Variants in LRP1B observed in about 807,000 individuals in gnomAD.
LRP1B encodes the protein LDL receptor related protein 1B.
LRP1B carries 217 observed loss-of-function variants against 556.6 expected under a neutral mutation model. The observed-to-expected ratio is 0.39, with a 90% CI of 0.35 to 0.44. LRP1B has a LOEUF of 0.44. Ranked by LOEUF, LRP1B falls within the 20% of genes least tolerant of loss-of-function variation. The pLI is 1.00. For missense variants in LRP1B, 5,053 were observed against 5,620.8 expected (o/e 0.90, Z 3.23); for synonymous variants, 2,047 against 1,865.8 (o/e 1.10, Z -2.50).
rs948352085 is a variant in LRP1B, at chr2:141,570,659, G to A, written c.206-90126C>T. On this transcript the variant is annotated intron_variant, in intron 2 of 90. Transcript: ENST00000389484. ...AACTGCCTAACAAGCTAAGCTCCCC[G>A]GTTGGGGGAAGGGCGGCATCCATCT... Among the ~76,000 whole-genome samples the A allele has an allele frequency of 2.6e-5, 4 of 151,200 alleles. 1 individual carries two copies. The highest frequency in any genetic ancestry group is 4.4e-5 in the Non-Finnish European group (3 of 67,428).
intron 1 of LRP1B, among the ~76,000 whole-genome samples, chr2:141,861,975 T>C (rs1377016106): frequency 6.6e-6 from 1 of 152,064 alleles, no homozygotes; most frequent in Non-Finnish European, 1.5e-5. Context: ...ACCCCTTATG[T>C]TGACCTGAAT....
chr2:140,691,449 T>G (rs1686238312), intron 41 of LRP1B, among the ~76,000 whole-genome samples: 2 of 146,376 alleles, frequency 1.4e-5, no homozygotes, highest in South Asian at 4.3e-4. Context: ...CAGGCTGGAT[T>G]GCAATCCAGC....
intron 43 of LRP1B, among the ~76,000 whole-genome samples, chr2:140,551,311 T>C (rs16844236): frequency 0.047 from 7,203 of 152,150 alleles, 482 homozygotes; most frequent in African/African-American, 0.15. Context: ...TCTAAGATTG[T>C]CCTGGGAAAG....
chr2:141,965,851 G>T, intron 1 of LRP1B, among the ~76,000 whole-genome samples: 1 of 148,194 alleles, frequency 6.7e-6, no homozygotes, highest in Non-Finnish European at 1.5e-5. Flanking sequence ...CAAAGCCTTG[G>T]CCAACTCTCA....
chr2:140,782,458 C>T (rs1689733131), intron 32 of LRP1B, among the ~76,000 whole-genome samples: 1 of 152,008 alleles, frequency 6.6e-6, no homozygotes, highest in Non-Finnish European at 1.5e-5. Context: ...GGGAGAAGAC[C>T]GTCATCTACA....
intron 3 of LRP1B, among the ~76,000 whole-genome samples, chr2:141,285,334 G>A (rs974451470): frequency 6.6e-6 from 1 of 151,106 alleles, no homozygotes; most frequent in African/African-American, 2.4e-5. Flanking sequence ...TTTTCCACCC[G>A]CCTCGGCCTC....
At chr2:140,364,904 T>TGCTTGAAATAA in intron 71 of LRP1B, 121 bp from the exon 72 acceptor site, 1 of 731,344 alleles carries the variant, frequency 1.4e-6, no homozygotes, top group Non-Finnish European at 2.2e-6. Context: ...ATATGTATTA[T>TGCTTGAAATAA]ATTTATTTCA....
At chr2:141,826,026 A>G (rs1418290355) in intron 1 of LRP1B, among the ~76,000 whole-genome samples, 1 of 152,100 alleles carries the variant, frequency 6.6e-6, no homozygotes, top group East Asian at 1.9e-4. Flanking sequence ...TTATGATCAA[A>G]TTTTGTGGGT....
chr2:141,549,376 T>C (rs1465873818), intron 2 of LRP1B, among the ~76,000 whole-genome samples: 2 of 152,122 alleles, frequency 1.3e-5, no homozygotes, highest in African/African-American at 4.8e-5. Flanking sequence ...TATAGGGGAA[T>C]AGAGTGTAAT....
At chr2:141,388,561 T>C (rs932418287) in intron 3 of LRP1B, among the ~76,000 whole-genome samples, 3 of 152,110 alleles carry the variant, frequency 2.0e-5, no homozygotes, top group Admixed American at 6.5e-5. Context: ...ACTAACTCAA[T>C]GGTGGAAGTT....
chr2:141,553,690 AAT>A (rs1274618627), intron 2 of LRP1B, among the ~76,000 whole-genome samples: 1 of 140,994 alleles, frequency 7.1e-6, no homozygotes, highest in African/African-American at 2.6e-5. Context: ...TATCATATAG[AAT>A]ATATATTATA....
At chr2:140,879,032 G>T (rs1029131374) in intron 25 of LRP1B, among the ~76,000 whole-genome samples, 2 of 151,220 alleles carry the variant, frequency 1.3e-5, no homozygotes, top group Admixed American at 6.6e-5. Context: ...AATAATCCCT[G>T]AAAACAAACT....
chr2:141,974,379 A>C (rs1701825300), intron 1 of LRP1B, among the ~76,000 whole-genome samples: 1 of 152,014 alleles, frequency 6.6e-6, no homozygotes, highest in African/African-American at 2.4e-5. Flanking sequence ...AGATCAAGGA[A>C]CTGGTTAAAC....
intron 3 of LRP1B, among the ~76,000 whole-genome samples, chr2:141,469,769 T>A (rs1300572686): frequency 6.6e-6 from 1 of 152,184 alleles, no homozygotes; most frequent in African/African-American, 2.4e-5. Context: ...ATATTTATGG[T>A]TAATTCTCAT....
At chr2:140,304,036 C>T (rs1683957589) in intron 83 of LRP1B, among the ~76,000 whole-genome samples, 1 of 152,190 alleles carries the variant, frequency 6.6e-6, no homozygotes, top group South Asian at 2.1e-4. Context: ...ATATGTGCCA[C>T]ATTTTCTTAA....
chr2:140,692,797 T>C (rs1686291358), intron 41 of LRP1B, among the ~76,000 whole-genome samples: 2 of 152,248 alleles, frequency 1.3e-5, no homozygotes, highest in African/African-American at 2.4e-5. Flanking sequence ...TTAATTTCAA[T>C]GAGATAAAAT....
intron 21 of LRP1B, among the ~76,000 whole-genome samples, chr2:140,922,500 T>C (rs1277283332): frequency 6.6e-6 from 1 of 151,930 alleles, no homozygotes; most frequent in Non-Finnish European, 1.5e-5. Context: ...TATAATTCTA[T>C]CTTTCTTTTC....
In LRP1B at chr2:140,524,346, AAAAG is replaced by A. The variant is rs1321016307; in HGVS notation, c.8026+1494_8026+1497del. Among the ~76,000 whole-genome samples the A allele has an allele frequency of 2.6e-5, 4 of 151,986 alleles. 1 individual carries two copies. The highest frequency in any genetic ancestry group is 5.9e-5 in the Non-Finnish European group (4 of 67,956). On this transcript the variant is annotated intron_variant, in intron 49 of 90. Transcript: ENST00000389484. ...TAAGATGTTGGTGAGGTTGTCGAGA[AAAAG>A]AAACACTTATACACTGTTGATCGGA...
At chr2:140,554,234 T>A (rs1195030511) in intron 43 of LRP1B, among the ~76,000 whole-genome samples, 2 of 152,082 alleles carry the variant, frequency 1.3e-5, no homozygotes, top group South Asian at 2.1e-4. Flanking sequence ...AGAGGACTCA[T>A]GAGAATAAAT....
Sources: allele counts gnomAD v4.1 joint callset (sites outside exome capture counted in the v4.1 genomes callset), GRCh38; gene constraint gnomAD v4.1.1; transcripts MANE v1.5; gene names NCBI Gene and HGNC (gene_info 2026-07-23, HGNC 2026-07-21).